The following NPAS3 variants were observed in gnomAD, a reference collection of about 807,000 sequenced individuals.
NPAS3 encodes the protein neuronal PAS domain protein 3, also known as neuronal PAS domain-containing protein 3.
Under a neutral mutation model 73.1 loss-of-function variants are expected in NPAS3, and 14 were observed. The ratio of observed to expected loss-of-function variants is 0.19; its 90% CI spans 0.13 to 0.30. The LOEUF (loss-of-function observed/expected upper bound fraction) is 0.30, where lower values mean the gene tolerates loss of function less well. Among genes scored for constraint, NPAS3 ranks in the 10% least tolerant of loss-of-function variants. The probability of loss-of-function intolerance (pLI) is 1.00; values close to 1 mark genes in which losing one functional copy is unlikely to be tolerated. For synonymous variants in NPAS3, 620 were observed against 541.5 expected (o/e 1.14, Z -2.01); for missense variants, 1,096 against 1,250.0 (o/e 0.88, Z 1.86).
chr14:33,733,628 G>A (rs1222110288), intron 6 of NPAS3, among the ~76,000 whole-genome samples: 1 of 152,152 alleles, frequency 6.6e-6, no homozygotes, highest in Non-Finnish European at 1.5e-5. Context: ...GCGTATTATG[G>A]CGTGTTAGAT....
At chr14:33,693,454 G>C (rs10143261) in intron 6 of NPAS3, among the ~76,000 whole-genome samples, 31,321 of 152,092 alleles carry the variant, frequency 0.21, 3,575 homozygotes, top group African/African-American at 0.3. Flanking sequence ...CACATCTAGA[G>C]ACTGTGTTTA....
intron 5 of NPAS3, among the ~76,000 whole-genome samples, chr14:33,640,060 T>A (rs1464897803): frequency 1.3e-5 from 2 of 151,876 alleles, no homozygotes; most frequent in Admixed American, 1.3e-4. Context: ...TCTACTAACA[T>A]ACAAAAATTA....
chr14:32,990,455 CTATACT>C (rs1339815080), intron 1 of NPAS3, among the ~76,000 whole-genome samples: 2 of 152,112 alleles, frequency 1.3e-5, no homozygotes, highest in Non-Finnish European at 2.9e-5. Flanking sequence ...ATACATAACT[CTATACT>C]TAAAGTTGAT....
At chr14:33,522,275 G>A (rs1220774776) in intron 4 of NPAS3, among the ~76,000 whole-genome samples, 1 of 152,080 alleles carries the variant, frequency 6.6e-6, no homozygotes, top group Non-Finnish European at 1.5e-5. Flanking sequence ...ACCAGTAAAT[G>A]TAATTATAAA....
chr14:33,286,643 T>C (rs533072482), intron 3 of NPAS3, among the ~76,000 whole-genome samples: 1 of 152,290 alleles, frequency 6.6e-6, no homozygotes, highest in South Asian at 2.1e-4. Context: ...GATGATAGCA[T>C]GAATGTGAGG....
chr14:33,101,139 A>C (rs1339736035), intron 2 of NPAS3, among the ~76,000 whole-genome samples: 4 of 152,070 alleles, frequency 2.6e-5, no homozygotes, highest in East Asian at 1.9e-4. Context: ...CCTGCCCCCC[A>C]CACACACCTG....
chr14:33,030,417 A>G (rs1479390903), intron 1 of NPAS3, among the ~76,000 whole-genome samples: 1 of 152,132 alleles, frequency 6.6e-6, no homozygotes, highest in Non-Finnish European at 1.5e-5. Context: ...GTTTTTAGGG[A>G]TTATATTTAA....
intron 3 of NPAS3, among the ~76,000 whole-genome samples, chr14:33,248,410 T>TG (rs1228438515): frequency 7.0e-4 from 107 of 152,352 alleles, no homozygotes; most frequent in Non-Finnish European, 1.2e-3. Flanking sequence ...ATGAAATGTA[T>TG]ATTTTTATTC....
intron 4 of NPAS3, among the ~76,000 whole-genome samples, chr14:33,541,923 A>T (rs1046969519): frequency 1.3e-5 from 2 of 151,430 alleles, no homozygotes; most frequent in Non-Finnish European, 2.9e-5. Context: ...CTGCAGGTTA[A>T]TTTTTTTTTC....
chr14:33,065,975 G>A (rs149929692), intron 2 of NPAS3, among the ~76,000 whole-genome samples: 35 of 152,186 alleles, frequency 2.3e-4, no homozygotes, highest in Non-Finnish European at 4.6e-4. Flanking sequence ...AATTGAATGA[G>A]CATGGCTTGG....
chr14:33,716,370 C>G (rs1355416955), intron 6 of NPAS3, among the ~76,000 whole-genome samples: 3 of 152,142 alleles, frequency 2.0e-5, no homozygotes, highest in African/African-American at 4.8e-5. Context: ...TTTTCCTTCT[C>G]TATGTCTACT....
chr14:33,516,985 G>T (rs796408171), intron 4 of NPAS3, among the ~76,000 whole-genome samples: 3 of 152,130 alleles, frequency 2.0e-5, no homozygotes, highest in African/African-American at 7.2e-5. Context: ...ATTAGTTTAC[G>T]ATCTACTGAG....
intron 5 of NPAS3, among the ~76,000 whole-genome samples, chr14:33,655,123 T>C (rs966324745): frequency 1.3e-5 from 2 of 152,106 alleles, no homozygotes; most frequent in African/African-American, 2.4e-5. Flanking sequence ...GCCCCTTCCT[T>C]TTATACATGA....
chr14:33,371,179 G>T (rs72680127), intron 4 of NPAS3, among the ~76,000 whole-genome samples: 31,739 of 152,100 alleles, frequency 0.21, 3,731 homozygotes, highest in Non-Finnish European at 0.28. Flanking sequence ...GGAAGGAATA[G>T]TAATAATGTC....
intron 4 of NPAS3, among the ~76,000 whole-genome samples, chr14:33,377,678 G>A (rs1253539075): frequency 6.6e-6 from 1 of 152,210 alleles, no homozygotes; most frequent in Non-Finnish European, 1.5e-5. Flanking sequence ...GAGAAAGAGT[G>A]AGAGAAGTGT....
intron 6 of NPAS3, chr14:33,680,804 T>C: frequency 1.7e-6 from 1 of 585,836 alleles, no homozygotes; most frequent in Non-Finnish European, 3.0e-6. Flanking sequence ...GGCAGTACTT[T>C]GGATGATGAA....
intron 5 of NPAS3, among the ~76,000 whole-genome samples, chr14:33,601,988 G>C (rs2057412466): frequency 6.6e-6 from 1 of 152,132 alleles, no homozygotes; most frequent in African/African-American, 2.4e-5. Flanking sequence ...AGAAAGACAG[G>C]AAACAAAAGT....
intron 3 of NPAS3, among the ~76,000 whole-genome samples, chr14:33,354,335 C>T (rs1009932258): frequency 6.6e-5 from 10 of 152,164 alleles, no homozygotes; most frequent in Admixed American, 1.3e-4. Flanking sequence ...AGGGCTCTCC[C>T]ATGACATTTG....
intron 4 of NPAS3, among the ~76,000 whole-genome samples, chr14:33,412,530 C>A (rs929442089): frequency 3.3e-5 from 5 of 152,150 alleles, no homozygotes; most frequent in Non-Finnish European, 7.4e-5. Context: ...AGGAATGATC[C>A]AAATGGTTGT....
Sources: gnomAD v4.1 joint callset for allele counts (sites outside exome capture counted in the v4.1 genomes callset) on GRCh38, gnomAD v4.1.1 for gene constraint, MANE v1.5 for transcripts, NCBI Gene and HGNC (gene_info 2026-07-23, HGNC 2026-07-21) for gene names.